Variants in KCNIP4 observed in about 807,000 individuals in gnomAD.
KCNIP4 encodes Kv channel-interacting protein 4.
A neutral mutation model predicts 34.0 loss-of-function variants in KCNIP4; 12 were observed. The observed-to-expected ratio is 0.35, with a 90% CI of 0.23 to 0.57. KCNIP4 has a LOEUF of 0.57. Among genes scored for constraint, KCNIP4 ranks in the 20% least tolerant of loss-of-function variants. The probability of loss-of-function intolerance (pLI) is 0.83; values close to 1 mark genes in which losing one functional copy is unlikely to be tolerated. For missense variants in KCNIP4, 238 were observed against 311.7 expected (o/e 0.76, Z 1.78); for synonymous variants, 124 against 102.2 (o/e 1.21, Z -1.29).
chr4:21,679,270 A>C (rs1750156562), intron 1 of KCNIP4, among the ~76,000 whole-genome samples: 1 of 152,208 alleles, frequency 6.6e-6, no homozygotes, highest in South Asian at 2.1e-4. Context: ...CAGAGTATTT[A>C]TCATCTACTG....
chr4:20,814,581 C>T (rs1326277333), intron 3 of KCNIP4, among the ~76,000 whole-genome samples: 2 of 152,204 alleles, frequency 1.3e-5, no homozygotes, highest in Admixed American at 6.5e-5. Context: ...TCTGTGATTG[C>T]ACCTCTCCCT....
At chr4:21,787,031 A>C (rs9684494) in intron 1 of KCNIP4, among the ~76,000 whole-genome samples, 17,441 of 152,174 alleles carry the variant, frequency 0.11, 1,046 homozygotes, top group Middle Eastern at 0.2. Context: ...GAGCATCCCT[A>C]ATCTGAAAAT....
chr4:21,832,587 T>A (rs1158553286), intron 1 of KCNIP4, among the ~76,000 whole-genome samples: 7 of 3,650 alleles, frequency 1.9e-3, no homozygotes, highest in Non-Finnish European at 4.7e-3. Context: ...TTTTTTTATT[T>A]TTTTTTTTAT....
At chr4:20,730,186 C>CTATTTTGCCCCTGAG (rs1200590867) in intron 8 of KCNIP4, 57 bp from the exon 9 acceptor site, 1 of 1,543,276 alleles carries the variant, frequency 6.5e-7, no homozygotes, top group African/African-American at 1.4e-5. Context: ...GAAAAGTACA[C>CTATTTTGCCCCTGAG]TATTTTGCCC....
chr4:21,203,708 A>G (rs1233727418), intron 1 of KCNIP4, among the ~76,000 whole-genome samples: 2 of 152,156 alleles, frequency 1.3e-5, no homozygotes, highest in South Asian at 2.1e-4. Flanking sequence ...TCCTTCTAAG[A>G]ACCTTATATC....
At chr4:21,188,915 G>T (rs1190062378) in intron 1 of KCNIP4, among the ~76,000 whole-genome samples, 7 of 152,220 alleles carry the variant, frequency 4.6e-5, no homozygotes, top group African/African-American at 1.7e-4. Flanking sequence ...CCTCAAAAAA[G>T]TTTGGAAAGG....
At chr4:20,816,216 T>G (rs1461768254) in intron 3 of KCNIP4, among the ~76,000 whole-genome samples, 1 of 147,588 alleles carries the variant, frequency 6.8e-6, no homozygotes, top group African/African-American at 2.5e-5. Flanking sequence ...ATTGCACCCC[T>G]GCACTCCAGC....
At position 20,740,024 on chromosome 4, in the gene KCNIP4, C is replaced by T. The variant is rs1028797217; in HGVS notation, c.430-5289G>A. ...TGAAGATCAAGTGAATGAAATGAAG[C>T]GAGAAGAGAAGTATAGAGAAAAATG... On this transcript the variant is annotated intron_variant, in intron 5 of 8. Coordinates refer to ENST00000382152, the MANE Select transcript of KCNIP4 (RefSeq NM_025221.6). 4.6e-5 allele frequency among the ~76,000 whole-genome samples: 7 copies of T among 151,908 alleles called. No individual in the cohort carries two copies. In the South Asian group the frequency reaches 1.0e-3, roughly 23 times the overall value.
intron 1 of KCNIP4, among the ~76,000 whole-genome samples, chr4:21,259,923 A>C (rs1308202910): frequency 1.6e-5 from 1 of 63,244 alleles, no homozygotes; most frequent in African/African-American, 4.4e-5. Context: ...GTGTGTGTGC[A>C]CGTGCGCTTA....
At position 20,977,917 on chromosome 4, in the gene KCNIP4, G is replaced by A. The variant is rs111912430; in HGVS notation, c.62-95208C>T. On this transcript the variant is annotated intron_variant, in intron 1 of 8. Coordinates refer to ENST00000382152, the MANE Select transcript of KCNIP4 (RefSeq NM_025221.6). ...CCCTCTCACAATACTTTTTCATCTTGGATTAGTTATTCATGAGCTGTCTGG... is the reference window on the plus strand; with the variant it reads ...CCCTCTCACAATACTTTTTCATCTTAGATTAGTTATTCATGAGCTGTCTGG... Among the ~76,000 whole-genome samples the A allele has an allele frequency of 7.2e-5, 11 of 152,118 alleles. 2 individuals are homozygous for A. The highest frequency in any genetic ancestry group is 2.7e-4 in the African/African-American group (11 of 41,506).
At chr4:20,929,004 G>T (rs1019453098) in intron 1 of KCNIP4, among the ~76,000 whole-genome samples, 1 of 151,864 alleles carries the variant, frequency 6.6e-6, no homozygotes, top group African/African-American at 2.4e-5. Flanking sequence ...CCAACAAATA[G>T]AGATAGAAGA....
intron 1 of KCNIP4, among the ~76,000 whole-genome samples, chr4:20,968,588 T>C (rs1734615296): frequency 6.6e-6 from 1 of 152,194 alleles, no homozygotes; most frequent in African/African-American, 2.4e-5. Flanking sequence ...CATGGAATAC[T>C]ATGCAGCCAT....
At chr4:21,000,483 G>C (rs1286582374) in intron 1 of KCNIP4, among the ~76,000 whole-genome samples, 5 of 151,978 alleles carry the variant, frequency 3.3e-5, no homozygotes, top group African/African-American at 1.2e-4. Flanking sequence ...TCAGGAGTTC[G>C]AGACCAGCCT....
At chr4:21,306,714 C>T (rs2109259983) in intron 1 of KCNIP4, among the ~76,000 whole-genome samples, 1 of 152,284 alleles carries the variant, frequency 6.6e-6, no homozygotes, top group South Asian at 2.1e-4. Flanking sequence ...ACAGTGAACT[C>T]TGCAGAGCCC....
chr4:21,457,243 G>A (rs13150965), intron 1 of KCNIP4, among the ~76,000 whole-genome samples: 17,751 of 151,940 alleles, frequency 0.12, 1,224 homozygotes, highest in South Asian at 0.16. Context: ...CTCCGGGACC[G>A]CCCCTAACAG....
Position 21,948,485 on chromosome 4 carries a change from C to A in KCNIP4, c.61+86G>T, listed in dbSNP as rs577039754. On this transcript the variant is annotated intron_variant, in intron 1 of 8. Transcript: ENST00000382152. Reference sequence around the variant, plus strand: ...CAGCGAAGGCAACAAGCGTCCCCAGCCGAGGAAGGGAAGGGGCAGCCGTCT... The same window carrying A: ...CAGCGAAGGCAACAAGCGTCCCCAGACGAGGAAGGGAAGGGGCAGCCGTCT... 1.9e-5 allele frequency: 27 copies of A among 1,441,466 alleles called. No individual in the cohort carries two copies. The East Asian group carries it at 3.7e-4, about 20-fold the overall frequency. The allele number at this position is 1,441,466 out of a possible 1,614,324, so 89.3% of individuals were successfully genotyped here. A position where few individuals can be genotyped will look rare whatever the true frequency, so the allele number is the denominator to read the frequency against.
At chr4:21,862,030 G>A (rs1725106025) in intron 1 of KCNIP4, among the ~76,000 whole-genome samples, 1 of 152,098 alleles carries the variant, frequency 6.6e-6, no homozygotes, top group Non-Finnish European at 1.5e-5. Context: ...TTCCACCTCT[G>A]AGCTTTTCAT....
At chr4:21,671,979 G>A (rs1352134973) in intron 1 of KCNIP4, among the ~76,000 whole-genome samples, 3 of 152,158 alleles carry the variant, frequency 2.0e-5, no homozygotes, top group African/African-American at 4.8e-5. Context: ...GGCCCCAGCA[G>A]TAAAGCTGAG....
At chr4:20,878,729 A>G (rs895354333) in intron 2 of KCNIP4, among the ~76,000 whole-genome samples, 6 of 152,186 alleles carry the variant, frequency 3.9e-5, no homozygotes, top group Non-Finnish European at 7.3e-5. Context: ...ACAGTAATAA[A>G]CAGGCATTTT....
Sources: allele counts gnomAD v4.1 joint callset (sites outside exome capture counted in the v4.1 genomes callset), GRCh38; gene constraint gnomAD v4.1.1; transcripts MANE v1.5; gene names NCBI Gene and HGNC (gene_info 2026-07-23, HGNC 2026-07-21).